Variants in KLHL4 observed in about 807,000 individuals in gnomAD.
KLHL4 encodes kelch like family member 4.
A neutral mutation model predicts 45.8 loss-of-function variants in KLHL4; 17 were observed. That is an observed-to-expected ratio of 0.37 (90% CI 0.25 to 0.56). The LOEUF (loss-of-function observed/expected upper bound fraction) is 0.56. Among genes scored for constraint, KLHL4 ranks in the 20% least tolerant of loss-of-function variants. KLHL4 has a pLI of 0.79. For missense variants in KLHL4, 544 were observed against 544.9 expected, an observed-to-expected ratio of 1.00 and a Z score of 0.02; for synonymous variants, 224 against 189.9, an observed-to-expected ratio of 1.18 and a Z score of -1.47.
At chrX:87,661,339 A>C (rs1924181376) in intron 9 of KLHL4, among the ~76,000 whole-genome samples, 1 of 111,737 alleles carries the variant, frequency 8.9e-6, no homozygotes, top group Non-Finnish European at 1.9e-5. Context: ...TATACATCTC[A>C]TAACAAAAAA....
intron 10 of KLHL4, among the ~76,000 whole-genome samples, chrX:87,665,379 C>G (rs1378937142): frequency 2.7e-5 from 3 of 111,594 alleles, no homozygotes; most frequent in African/African-American, 9.8e-5. Context: ...AGGAGACAAG[C>G]CTTCAATCTT....
chrX:87,623,135 A>G (rs1449392539), intron 5 of KLHL4, among the ~76,000 whole-genome samples: 1 of 111,431 alleles, frequency 9.0e-6, no homozygotes, highest in African/African-American at 3.3e-5. Context: ...TATAGGCCTC[A>G]AACATCATCC....
intron 3 of KLHL4, among the ~76,000 whole-genome samples, chrX:87,617,463 A>T (rs1205205863): frequency 1.8e-5 from 2 of 111,579 alleles, no homozygotes; most frequent in African/African-American, 6.5e-5. Context: ...AATGACAGTT[A>T]CTTGCATGGC....
At chrX:87,596,012 T>C (rs184423854) in intron 1 of KLHL4, among the ~76,000 whole-genome samples, 5 of 110,921 alleles carry the variant, frequency 4.5e-5, no homozygotes, top group Non-Finnish European at 5.7e-5. Flanking sequence ...ACCTTTTTCA[T>C]GACAGTGAGT....
intron 3 of KLHL4, 101 bp from the exon 4 acceptor site, chrX:87,617,831 A>T: frequency 1.6e-6 from 1 of 608,361 alleles, no homozygotes; most frequent in Non-Finnish European, 2.5e-6. Context: ...TGAAAATCAT[A>T]GCTCTACTAG....
chrX:87,552,380 A>G (rs1180167912), intron 1 of KLHL4, among the ~76,000 whole-genome samples: 1 of 109,250 alleles, frequency 9.2e-6, no homozygotes, highest in Non-Finnish European at 1.9e-5. Flanking sequence ...TAATCAAAAA[A>G]TAAAAATAAA....
At chrX:87,563,278 A>C (rs760781430) in intron 1 of KLHL4, among the ~76,000 whole-genome samples, 2 of 110,136 alleles carry the variant, frequency 1.8e-5, no homozygotes, top group East Asian at 5.8e-4. Flanking sequence ...ACCTCATCAA[A>C]AATAAAAACA....
intron 1 of KLHL4, among the ~76,000 whole-genome samples, chrX:87,555,514 T>TC (rs1167493900): frequency 5.5e-5 from 6 of 109,627 alleles, no homozygotes; most frequent in Non-Finnish European, 1.1e-4. Context: ...ATAGAGGTGT[T>TC]TGTAGTATTC....
In KLHL4 at chrX:87,638,507, T is replaced by C. The variant is rs189279354; in HGVS notation, c.1925+2732T>C. Among the ~76,000 whole-genome samples, 569 of 112,045 alleles carry C rather than the reference T, an allele frequency of 5.1e-3. 4 individuals are homozygous for C. The highest frequency in any genetic ancestry group is 0.018 in the African/African-American group (541 of 30,872). Reference sequence around the variant, plus strand: ...TAAGAGCAGATATTTTAGTAGAAACTCTACAAGCTAGAGGGGATTGAGGCC... The same window carrying C: ...TAAGAGCAGATATTTTAGTAGAAACCCTACAAGCTAGAGGGGATTGAGGCC... On this transcript the variant is annotated intron_variant, in intron 9 of 10. Coordinates refer to ENST00000373119, the MANE Select transcript of KLHL4 (RefSeq NM_019117.5).
At position 87,570,920 on chromosome X, in the gene KLHL4, G is replaced by T. The variant is rs750308632; in HGVS notation, c.423-42957G>T. ...ATATTGTGGCATGTTGATGATGAAT[G>T]CTGTCATTTCAATTTTGTGCTTAAG... On this transcript the variant is annotated intron_variant, in intron 1 of 10. Transcript: ENST00000373119. 1.1e-4 allele frequency among the ~76,000 whole-genome samples: 12 copies of T among 110,958 alleles called. No individual in the cohort carries two copies. The South Asian group carries it at 1.5e-3, about 14-fold the overall frequency.
intron 9 of KLHL4, among the ~76,000 whole-genome samples, chrX:87,658,430 GGAAT>G (rs1317681793): frequency 9.0e-6 from 1 of 111,414 alleles, no homozygotes; most frequent in African/African-American, 3.3e-5. Context: ...GCCAGGGTCT[GGAAT>G]GCGTGCAACA....
At position 87,625,334 on chromosome X, in the gene KLHL4, G is replaced by A. The variant is rs937478413; in HGVS notation, c.1138-276G>A. Among the ~76,000 whole-genome samples the A allele has an allele frequency of 8.1e-5, 9 of 111,715 alleles. No homozygotes were observed. The East Asian group carries it at 1.7e-3, about 21-fold the overall frequency. Reference sequence around the variant, plus strand: ...CTGCCTCTACCTCCCGGGCTCAAACGATCAACCCACCTTAGCCTACAAGTA... The same window carrying A: ...CTGCCTCTACCTCCCGGGCTCAAACAATCAACCCACCTTAGCCTACAAGTA... On this transcript the variant is annotated intron_variant, in intron 5 of 10. Transcript: ENST00000373119.
In KLHL4 at chrX:87,666,537, C is replaced by T. The variant is rs766482595; in HGVS notation, c.*3C>T. ...TTGTAGTGGTGAAGCTACCCTAAAG[C>T]TATCTATCTTTATCAAATGGAATGA... On this transcript the variant is annotated 3_prime_UTR_variant, in exon 11 of 11. Transcript: ENST00000373119. The T allele has an allele frequency of 1.7e-6, 2 of 1,191,186 alleles. No individual in the cohort carries two copies. Among genetic ancestry groups the T allele is most frequent in the South Asian group, 3.7e-5 (2 of 53,618 alleles).
intron 1 of KLHL4, among the ~76,000 whole-genome samples, chrX:87,552,135 C>T (rs1931840610): frequency 9.0e-6 from 1 of 111,244 alleles, no homozygotes; most frequent in African/African-American, 3.3e-5. Context: ...AAAATCTTCA[C>T]AATCTGTACA....
At chrX:87,589,493 A>G (rs1921589594) in intron 1 of KLHL4, among the ~76,000 whole-genome samples, 1 of 111,886 alleles carries the variant, frequency 8.9e-6, no homozygotes, top group Admixed American at 9.5e-5. Flanking sequence ...AAAATGAGAT[A>G]TTGTCATTTG....
chrX:87,615,638 A>G (rs1256701259), intron 3 of KLHL4, among the ~76,000 whole-genome samples: 2 of 111,678 alleles, frequency 1.8e-5, no homozygotes, highest in Non-Finnish European at 3.8e-5. Context: ...TGTAATATTA[A>G]TAGGCAATAA....
chrX:87,656,125 T>G (rs1436979429), intron 9 of KLHL4, among the ~76,000 whole-genome samples: 2 of 111,170 alleles, frequency 1.8e-5, no homozygotes, highest in Non-Finnish European at 3.8e-5. Context: ...AGGATTTTTT[T>G]CCTTCATATT....
At chrX:87,617,106 A>T (rs1922582324) in intron 3 of KLHL4, among the ~76,000 whole-genome samples, 2 of 111,800 alleles carry the variant, frequency 1.8e-5, no homozygotes, top group African/African-American at 6.5e-5. Context: ...ATTCAATAAC[A>T]CTTGTTCTAA....
chrX:87,666,810 T>C lies in KLHL4; in HGVS notation c.*276T>C. 1.2e-6 allele frequency: 1 copy of C among 825,360 alleles called. No homozygotes were observed. Among genetic ancestry groups the C allele is most frequent in the Non-Finnish European group, 1.5e-6 (1 of 684,033 alleles). 68.0% of individuals were successfully genotyped at this position (825,360 alleles called of 1,213,427 possible). A position where few individuals can be genotyped will look rare whatever the true frequency, so the allele number is the denominator to read the frequency against. ...TAGATATAGCCCCATTACTACAAAA[T>C]GCTAAAATATTTAATGAAAATTGAT... On this transcript the variant is annotated 3_prime_UTR_variant, in exon 11 of 11. Coordinates refer to ENST00000373119, the MANE Select transcript of KLHL4 (RefSeq NM_019117.5).
Sources: gnomAD v4.1 joint callset for allele counts (sites outside exome capture counted in the v4.1 genomes callset) on GRCh38, gnomAD v4.1.1 for gene constraint, MANE v1.5 for transcripts, NCBI Gene and HGNC (gene_info 2026-07-23, HGNC 2026-07-21) for gene names.